Variants in TTC21B observed in about 807,000 individuals in gnomAD.
TTC21B encodes the protein tetratricopeptide repeat protein 21B.
A neutral mutation model predicts 175.1 loss-of-function variants in TTC21B; 127 were observed. The observed-to-expected ratio is 0.73, with a 90% confidence interval of 0.63 to 0.84. The LOEUF is 0.84. Among genes scored for constraint, TTC21B ranks in the 40% least tolerant of loss-of-function variants. The pLI is 0.00. For missense variants in TTC21B, 1,561 were observed against 1,558.3 expected (o/e 1.00, Z -0.03); for synonymous variants, 524 against 524.5 (o/e 1.00, Z 0.01).
At chr2:165,890,817 T>C in intron 23 of TTC21B, 21 bp downstream of exon 23, 1 of 1,610,146 alleles carries the variant, frequency 6.2e-7, no homozygotes, top group Non-Finnish European at 8.5e-7. Context: ...TCATGTAGCA[T>C]TTATTTGTAA....
chr2:165,904,719 C>T (rs1248207963), intron 19 of TTC21B, among the ~76,000 whole-genome samples: 3 of 152,170 alleles, frequency 2.0e-5, no homozygotes, highest in Non-Finnish European at 4.4e-5. Flanking sequence ...GTTTGCTTAC[C>T]TCACAGACCT....
intron 25 of TTC21B, 108 bp from the exon 26 acceptor site, chr2:165,884,126 C>T (rs970354907): frequency 2.2e-4 from 185 of 858,242 alleles, no homozygotes; most frequent in Non-Finnish European, 1.5e-5. Context: ...GATTCTATTT[C>T]TAGCTCCATT....
intron 8 of TTC21B, among the ~76,000 whole-genome samples, chr2:165,931,530 G>A (rs1686905745): frequency 6.6e-6 from 1 of 152,064 alleles, no homozygotes; most frequent in South Asian, 2.1e-4. Context: ...AAGGCACTTC[G>A]CTATGCTTAA....
intron 10 of TTC21B, 32 bp from the exon 11 acceptor site, chr2:165,929,367 C>T (rs1276483092): frequency 6.5e-7 from 1 of 1,531,422 alleles, no homozygotes; most frequent in African/African-American, 1.4e-5. Flanking sequence ...TAAATTATTC[C>T]ATTTAGTTAT....
intron 22 of TTC21B, among the ~76,000 whole-genome samples, chr2:165,891,888 A>G (rs1241784825): frequency 6.6e-6 from 1 of 152,236 alleles, no homozygotes; most frequent in East Asian, 1.9e-4. Flanking sequence ...CTATATATAA[A>G]TGTAAGCAAA....
intron 4 of TTC21B, among the ~76,000 whole-genome samples, chr2:165,945,029 G>C (rs192858252): frequency 1.4e-4 from 22 of 152,300 alleles, no homozygotes; most frequent in African/African-American, 5.3e-4. Flanking sequence ...TTATTTTCTT[G>C]CATACTTTAA....
At chr2:165,917,234 C>T (rs762022148) in intron 14 of TTC21B, 23 bp downstream of exon 14, 1 of 1,596,176 alleles carries the variant, frequency 6.3e-7, no homozygotes, top group Non-Finnish European at 8.6e-7. Flanking sequence ...ACATCCGAGC[C>T]CTTAAATTAA....
rs760282993 is a variant in TTC21B at position 165,890,475 on chromosome 2, T to C, written c.3263+4A>G. 6.2e-7 allele frequency: 1 copy of C among 1,613,198 alleles called. No individual in the cohort carries two copies. Among genetic ancestry groups the C allele is most frequent in the East Asian group, 2.2e-5 (1 of 44,778 alleles). Reference sequence around the variant, plus strand: ...AAAAAAGGATAATATGTCAAATAACTCACCCCAGGTCTCCATCCAGGTTTT... The same window carrying C: ...AAAAAAGGATAATATGTCAAATAACCCACCCCAGGTCTCCATCCAGGTTTT... On this transcript the variant is annotated splice_donor_region_variant and intron_variant, in intron 24 of 28. Coordinates refer to ENST00000243344, the MANE Select transcript of TTC21B (RefSeq NM_024753.5).
chr2:165,890,598 T>C lies in TTC21B; in HGVS notation c.3144A>G (p.Lys1048=), dbSNP rs762837601. ...GGCCCCAGTCACGATCTTTCCGAGCTTTATTAAAATGTCGAAGGGCATCAT... is the reference window on the plus strand; with the variant it reads ...GGCCCCAGTCACGATCTTTCCGAGCCTTATTAAAATGTCGAAGGGCATCAT... ...EPNDALRHFN[K]ARKDRDWGQN... is the part of the protein sequence containing the mutation. Residue 1048 remains lysine, a synonymous_variant, in exon 24 of 29, where the codon AAA becomes AAG. Transcript: ENST00000243344. 8.1e-6 allele frequency: 13 copies of C among 1,613,744 alleles called. No individual in the cohort carries two copies. In the Admixed American group the frequency reaches 2.2e-4, roughly 27 times the overall value.
At chr2:165,881,194 C>T (rs1308394524) in intron 26 of TTC21B, among the ~76,000 whole-genome samples, 1 of 152,146 alleles carries the variant, frequency 6.6e-6, no homozygotes, top group African/African-American at 2.4e-5. Context: ...CAAACCTACC[C>T]TTCTGTATTA....
intron 24 of TTC21B, among the ~76,000 whole-genome samples, 161 bp from the exon 25 acceptor site, chr2:165,888,635 T>C (rs1685088553): frequency 6.6e-6 from 1 of 152,210 alleles, no homozygotes; most frequent in African/African-American, 2.4e-5. Context: ...CTCATTCTCT[T>C]CTAATACAAA....
At position 165,904,959 on chromosome 2, in the gene TTC21B, T is replaced by C. The variant is rs113028185; in HGVS notation, c.2568+2719A>G. Among the ~76,000 whole-genome samples, 133 of 152,216 alleles carry C rather than the reference T, an allele frequency of 8.7e-4. 1 individual carries two copies. The highest frequency in any genetic ancestry group is 3.0e-3 in the African/African-American group (125 of 41,546). On this transcript the variant is annotated intron_variant, in intron 19 of 28. Transcript: ENST00000243344. ...GAAGTAAGATCATCCCTCTCAGAAG[T>C]AAGCTGCAAAATCAACACATAATAG... is the stretch of plus-strand genomic sequence containing the variant.
chr2:165,942,394 A>G (rs757005616), intron 5 of TTC21B, among the ~76,000 whole-genome samples: 16 of 152,188 alleles, frequency 1.1e-4, no homozygotes, highest in Non-Finnish European at 2.2e-4. Context: ...GTAAGTTCTA[A>G]TGACTCCTTC....
chr2:165,941,245 A>T, intron 5 of TTC21B, 61 bp from the exon 6 acceptor site: 1 of 1,572,074 alleles, frequency 6.4e-7, no homozygotes, highest in East Asian at 2.2e-5. Context: ...AGTTCTCATA[A>T]CGCAGAGCAG....
chr2:165,950,619 G>GTTTGT (rs906066891), intron 1 of TTC21B, among the ~76,000 whole-genome samples: 2 of 152,104 alleles, frequency 1.3e-5, no homozygotes, highest in African/African-American at 4.8e-5. Flanking sequence ...GCTCTGGTTT[G>GTTTGT]TTTGTTTTGT....
chr2:165,883,244 T>C (rs1353730285), intron 26 of TTC21B, among the ~76,000 whole-genome samples: 1 of 152,140 alleles, frequency 6.6e-6, no homozygotes, highest in Non-Finnish European at 1.5e-5. Context: ...TAATTAAACA[T>C]CAAAATGTTA....
At chr2:165,924,885 T>G (rs1204423460) in intron 11 of TTC21B, among the ~76,000 whole-genome samples, 1 of 152,214 alleles carries the variant, frequency 6.6e-6, no homozygotes, top group Admixed American at 6.5e-5. Context: ...ATGCAAATAA[T>G]GGCTCTTGTT....
intron 14 of TTC21B, among the ~76,000 whole-genome samples, chr2:165,916,979 C>CGATT (rs1686198028): frequency 6.6e-6 from 1 of 152,038 alleles, no homozygotes; most frequent in Non-Finnish European, 1.5e-5. Context: ...TAGGTTCAAG[C>CGATT]GATTCTCCTG....
At chr2:165,886,719 T>C (rs761063603) in intron 25 of TTC21B, among the ~76,000 whole-genome samples, 7 of 152,206 alleles carry the variant, frequency 4.6e-5, no homozygotes, top group Non-Finnish European at 1.0e-4. Flanking sequence ...TTTTTTTCTC[T>C]CTTAAACTTC....
Sources: allele counts gnomAD v4.1 joint callset (sites outside exome capture counted in the v4.1 genomes callset), GRCh38; gene constraint gnomAD v4.1.1; transcripts MANE v1.5; gene names NCBI Gene and HGNC (gene_info 2026-07-23, HGNC 2026-07-21).